The following PHPT1 variants were observed in gnomAD, a reference collection of about 807,000 sequenced individuals.
PHPT1 encodes the protein phosphohistidine phosphatase 1.
Under a neutral mutation model 15.6 loss-of-function variants are expected in PHPT1, and 16 were observed. That is an observed-to-expected ratio of 1.03 (90% CI 0.70 to 1.56). The LOEUF (loss-of-function observed/expected upper bound fraction) is 1.56. Ranked by LOEUF, PHPT1 falls within the 40% of genes most tolerant of loss-of-function variation. PHPT1 has a pLI of 0.00. For synonymous variants in PHPT1, 102 were observed against 68.1 expected, an observed-to-expected ratio of 1.50 and a Z score of -2.45; for missense variants, 228 against 171.0, an observed-to-expected ratio of 1.33 and a Z score of -1.86.
At chr9:136,849,859 C>A (rs1201066545) in intron 1 of PHPT1, 154 bp from the exon 2 acceptor site, 7 of 852,250 alleles carry the variant, frequency 8.2e-6, no homozygotes, top group Non-Finnish European at 1.1e-5. Context: ...CACCCTCCTT[C>A]GCTCATTCAT....
At chr9:136,849,796 A>G (rs910309317) in intron 1 of PHPT1, 45 of 696,686 alleles carry the variant, frequency 6.5e-5, no homozygotes, top group Middle Eastern at 4.1e-4. Flanking sequence ...AGGGCGTGAC[A>G]CGGCCTGACA....
intron 1 of PHPT1, 65 bp from the exon 2 acceptor site, chr9:136,849,947 TG>T: frequency 6.5e-6 from 10 of 1,537,434 alleles, no homozygotes; most frequent in Non-Finnish European, 8.9e-6. Flanking sequence ...CCCCTTCGGC[TG>T]GGAGTTCCTC....
chr9:136,849,520 T>C lies in PHPT1; in HGVS notation c.90T>C (p.Ala30=), dbSNP rs993352944. The part of the protein sequence containing the change: ...FKYVLIRVHS[A]PRSGAPAAES... ...ATGTGCTGATCCGAGTCCACTCGGC[T>C]CCCCGCTCCGGGGCTCCGGCTGCAG... is the stretch of plus-strand genomic sequence containing the variant. Residue 30 remains alanine (A), a synonymous_variant, in exon 1 of 3, where the codon GCT becomes GCC. Transcript: ENST00000247665. 1.9e-6 allele frequency: 3 copies of C among 1,611,108 alleles called. No individual in the cohort carries two copies. Among genetic ancestry groups the C allele is most frequent in the African/African-American group, 2.7e-5 (2 of 74,798 alleles).
chr9:136,850,274 C>A, intron 2 of PHPT1, 137 bp downstream of exon 2: 1 of 1,173,320 alleles, frequency 8.5e-7, no homozygotes, highest in Non-Finnish European at 1.2e-6. Context: ...GCGGCAGAGC[C>A]CTCCCTCCAG....
At chr9:136,850,686 TGGATGCCCAGAGCC>T in intron 2 of PHPT1, 55 bp from the exon 3 acceptor site, 4 of 1,499,480 alleles carry the variant, frequency 2.7e-6, no homozygotes, top group Non-Finnish European at 3.7e-6. Flanking sequence ...GGCTGGTGGC[TGGATGCCCAGAGCC>T]GGGTATCGGG....
rs569672326 is a variant in PHPT1, at chr9:136,850,221, C to T, written c.285+84C>T. 8 of 1,574,778 alleles carry T rather than the reference C, an allele frequency of 5.1e-6. No homozygotes were observed. The African/African-American group carries it at 1.1e-4, about 21-fold the overall frequency. ...CTGAGCCTGCTGCCCTGACCCGTGG[C>T]CCCAGCTGAGCACGCAGGCTTCCTG... On this transcript the variant is annotated intron_variant, in intron 2 of 2. Coordinates refer to ENST00000247665, the MANE Select transcript of PHPT1 (RefSeq NM_014172.6).
At position 136,850,881 on chromosome 9, in the gene PHPT1, GC is replaced by G; in HGVS notation, c.*36del. 6.6e-7 allele frequency: 1 copy of G among 1,520,188 alleles called. No homozygotes were observed. The highest frequency in any genetic ancestry group is 9.1e-7 in the Non-Finnish European group (1 of 1,095,688). The allele number at this position is 1,520,188 out of a possible 1,614,324, so 94.2% of individuals were successfully genotyped here. A position where few individuals can be genotyped will look rare whatever the true frequency, so the allele number is the denominator to read the frequency against. On this transcript the variant is annotated 3_prime_UTR_variant, in exon 3 of 3. Coordinates refer to ENST00000247665, the MANE Select transcript of PHPT1 (RefSeq NM_014172.6). ...AGCCCGGGGCCTGCTGCCTCCAGCA[GC>G]CACTTCAGAGCCCCCGCCTTTGCCT...
At chr9:136,849,835 G>A in intron 1 of PHPT1, 178 bp from the exon 2 acceptor site, 1 of 758,926 alleles carries the variant, frequency 1.3e-6, no homozygotes, top group South Asian at 1.8e-5. Flanking sequence ...CAGTTCCCGC[G>A]CCCTCCCCGG....
Position 136,850,881 on chromosome 9 carries a change from G to A in PHPT1, c.*34G>A, listed in dbSNP as rs376393626. On this transcript the variant is annotated 3_prime_UTR_variant, in exon 3 of 3. Coordinates refer to ENST00000247665, the MANE Select transcript of PHPT1 (RefSeq NM_014172.6). The stretch of plus-strand genomic sequence containing the variant: ...AGCCCGGGGCCTGCTGCCTCCAGCA[G>A]CCACTTCAGAGCCCCCGCCTTTGCC... 1.3e-6 allele frequency: 2 copies of A among 1,520,070 alleles called. No homozygotes were observed. The highest frequency in any genetic ancestry group is 2.7e-5 in the African/African-American group (2 of 72,990). 94.2% of individuals were successfully genotyped at this position (1,520,070 alleles called of 1,614,324 possible).
rs533374791 is a variant in PHPT1, at chr9:136,849,664, G to A, written c.160+74G>A. The A allele has an allele frequency of 5.0e-4, 552 of 1,106,686 alleles. 2 individuals are homozygous for A. The South Asian group carries it at 9.9e-3, about 20-fold the overall frequency. 68.6% of individuals were successfully genotyped at this position (1,106,686 alleles called of 1,614,324 possible). ...GGGCGGGGCTGGCGGGACGGAGACG[G>A]GGCTGACGAGGCAGGGGCGGGGCTG... On this transcript the variant is annotated intron_variant, in intron 1 of 2. Transcript: ENST00000247665.
Position 136,850,010 on chromosome 9 carries a change from C to T in PHPT1, c.161-3C>T, listed in dbSNP as rs1848865530. 4 of 1,610,490 alleles carry T rather than the reference C, an allele frequency of 2.5e-6. No homozygotes were observed. Among genetic ancestry groups the T allele is most frequent in the Non-Finnish European group, 2.5e-6 (3 of 1,178,450 alleles). ...ACGTCCTGAGGCCGCCCTCCCATCCCAGCGGACATCTACGACAAAGTGTCG... is the reference window on the plus strand; with the variant it reads ...ACGTCCTGAGGCCGCCCTCCCATCCTAGCGGACATCTACGACAAAGTGTCG... On this transcript the variant is annotated splice_polypyrimidine_tract_variant and splice_region_variant and intron_variant, in intron 1 of 2. Transcript: ENST00000247665.
At position 136,849,572 on chromosome 9, in the gene PHPT1, A is replaced by T. The variant is rs755235694; in HGVS notation, c.142A>T (p.Lys48Ter). ...AESKEIVRGYKWAEYHADIYD... is the reference protein window; with the variant it reads ...AESKEIVRGY ...GAGCAAGGAGATCGTGCGCGGCTAC[A>T]AGTGGGCTGAGTACCATGGTGAGGG... Residue 48 changes from lysine (K) to a stop codon, truncating the protein, a stop_gained, in exon 1 of 3, where the codon AAG becomes TAG. Coordinates refer to ENST00000247665, the MANE Select transcript of PHPT1 (RefSeq NM_014172.6). LOFTEE classifies it high-confidence loss of function. 1 of 1,604,104 alleles carries T rather than the reference A, an allele frequency of 6.2e-7. No individual in the cohort carries two copies. The highest frequency in any genetic ancestry group is 1.1e-5 in the South Asian group (1 of 90,306).
At chr9:136,849,639 G>T in intron 1 of PHPT1, 49 bp downstream of exon 1, 1 of 1,435,232 alleles carries the variant, frequency 7.0e-7, no homozygotes, top group Non-Finnish European at 9.3e-7. Flanking sequence ...GGCGAGGCGG[G>T]GGCGGGGCTG....
Position 136,850,153 on chromosome 9 carries a change from G to A in PHPT1, c.285+16G>A, listed in dbSNP as rs774692956. 1.4e-5 allele frequency: 23 copies of A among 1,612,840 alleles called. No individual in the cohort carries two copies. The South Asian group carries it at 2.3e-4, about 16-fold the overall frequency. ...CTATTCCATGGTGAGCCGCAGCCCC[G>A]TCCCGCCCTGCCGGAGGCCCCAGTA... is the stretch of plus-strand genomic sequence containing the variant. On this transcript the variant is annotated intron_variant, in intron 2 of 2. Coordinates refer to ENST00000247665, the MANE Select transcript of PHPT1 (RefSeq NM_014172.6).
chr9:136,849,714 C>A, intron 1 of PHPT1, 124 bp downstream of exon 1: 1 of 803,486 alleles, frequency 1.2e-6, no homozygotes, highest in Non-Finnish European at 1.8e-6. Flanking sequence ...GGGCTGCGGG[C>A]CGTAGCGGAC....
chr9:136,850,418 C>T, intron 2 of PHPT1: 1 of 1,240,260 alleles, frequency 8.1e-7, no homozygotes. Context: ...TGTCCTCCAG[C>T]ACTTTGGGCC....
chr9:136,849,724 CT>C, intron 1 of PHPT1, 134 bp downstream of exon 1: 1 of 827,978 alleles, frequency 1.2e-6, no homozygotes, highest in East Asian at 3.2e-5. Flanking sequence ...CCGTAGCGGA[CT>C]GCGCTCTGCT....
chr9:136,849,733 G>C (rs1453696770), intron 1 of PHPT1, 143 bp downstream of exon 1: 5 of 843,738 alleles, frequency 5.9e-6, no homozygotes, highest in African/African-American at 1.8e-5. Flanking sequence ...ACTGCGCTCT[G>C]CTCCGAGTCC....
rs1022710464 is a variant in PHPT1 at position 136,849,725 on chromosome 9, T to A, written c.160+135T>A. Reference sequence around the variant, plus strand: ...GGCGGGGCTGCGGGCCGTAGCGGACTGCGCTCTGCTCCGAGTCCTGCCCCT... The same window carrying A: ...GGCGGGGCTGCGGGCCGTAGCGGACAGCGCTCTGCTCCGAGTCCTGCCCCT... On this transcript the variant is annotated intron_variant, in intron 1 of 2. Coordinates refer to ENST00000247665, the MANE Select transcript of PHPT1 (RefSeq NM_014172.6). 4 of 828,140 alleles carry A rather than the reference T, an allele frequency of 4.8e-6. No individual in the cohort carries two copies. The African/African-American group carries it at 7.3e-5, about 15-fold the overall frequency. 51.3% of individuals were successfully genotyped at this position (828,140 alleles called of 1,614,324 possible).
Sources: gnomAD v4.1 joint callset for allele counts on GRCh38, gnomAD v4.1.1 for gene constraint, MANE v1.5 for transcripts, NCBI Gene and HGNC (gene_info 2026-07-23, HGNC 2026-07-21) for gene names.